Variants in REEP1 observed in about 807,000 individuals in gnomAD.
REEP1 encodes receptor expression-enhancing protein 1.
In REEP1, 22 loss-of-function variants were observed where a neutral mutation model predicts 40.3. The ratio of observed to expected loss-of-function variants is 0.55; its 90% CI spans 0.39 to 0.78. REEP1 has a LOEUF of 0.78. REEP1 is among the 30% of genes least tolerant of loss of function. The pLI is 0.00. For synonymous variants in REEP1, 116 were observed against 139.2 expected, an observed-to-expected ratio of 0.83 and a Z score of 1.17; for missense variants, 280 against 361.1, an observed-to-expected ratio of 0.78 and a Z score of 1.82.
chr2:86,295,866 A>G (rs1001136178), intron 1 of REEP1, among the ~76,000 whole-genome samples: 2 of 152,228 alleles, frequency 1.3e-5, no homozygotes, highest in Admixed American at 6.5e-5. Flanking sequence ...GAAAATAAAG[A>G]TATTTCTCTC....
At chr2:86,329,132 C>T (rs924928701) in intron 1 of REEP1, among the ~76,000 whole-genome samples, 5 of 152,136 alleles carry the variant, frequency 3.3e-5, no homozygotes, top group Non-Finnish European at 7.3e-5. Flanking sequence ...CCCTGGAGTG[C>T]GGCCATCCCT....
At chr2:86,324,602 A>G (rs1680417936) in intron 1 of REEP1, among the ~76,000 whole-genome samples, 1 of 152,212 alleles carries the variant, frequency 6.6e-6, no homozygotes, top group Admixed American at 6.5e-5. Flanking sequence ...CAAGCCGGAC[A>G]TCAAGAATTT....
intron 1 of REEP1, among the ~76,000 whole-genome samples, chr2:86,299,688 T>C (rs1679171297): frequency 6.6e-6 from 1 of 152,126 alleles, no homozygotes; most frequent in Non-Finnish European, 1.5e-5. Context: ...CCATCTAGAG[T>C]AGCAATTAAT....
At chr2:86,286,769 C>T (rs1318946193) in intron 1 of REEP1, among the ~76,000 whole-genome samples, 14 of 152,138 alleles carry the variant, frequency 9.2e-5, no homozygotes, top group East Asian at 1.9e-4. Flanking sequence ...CTGTTGCTGA[C>T]CGTAGCCAAG....
chr2:86,280,989 A>T (rs771747188), intron 2 of REEP1, among the ~76,000 whole-genome samples: 14 of 152,228 alleles, frequency 9.2e-5, no homozygotes, highest in Non-Finnish European at 1.2e-4. Flanking sequence ...TGTTCAGATG[A>T]GGACACTTAG....
chr2:86,258,707 G>C (rs1020716102), intron 3 of REEP1, among the ~76,000 whole-genome samples: 1 of 152,144 alleles, frequency 6.6e-6, no homozygotes, highest in African/African-American at 2.4e-5. Flanking sequence ...AGCCTACCTC[G>C]AGAGACAGAG....
chr2:86,266,608 A>G (rs1677149988), intron 2 of REEP1, among the ~76,000 whole-genome samples: 1 of 151,880 alleles, frequency 6.6e-6, no homozygotes, highest in African/African-American at 2.4e-5. Flanking sequence ...CCTGGGCGAC[A>G]GAGCGAGACT....
At chr2:86,293,734 A>T (rs1371897857) in intron 1 of REEP1, among the ~76,000 whole-genome samples, 1 of 152,222 alleles carries the variant, frequency 6.6e-6, no homozygotes, top group African/African-American at 2.4e-5. Context: ...CACCATGTGA[A>T]CAAACACTGC....
chr2:86,276,229 G>A (rs1172136782), intron 2 of REEP1, among the ~76,000 whole-genome samples: 1 of 152,200 alleles, frequency 6.6e-6, no homozygotes, highest in Non-Finnish European at 1.5e-5. Context: ...AGCATCTCCA[G>A]GCTGATACCA....
At chr2:86,267,703 G>A (rs1677221923) in intron 2 of REEP1, among the ~76,000 whole-genome samples, 1 of 151,946 alleles carries the variant, frequency 6.6e-6, no homozygotes, top group Admixed American at 6.6e-5. Context: ...AGACAAATTA[G>A]ACTTCATCAA....
At chr2:86,267,504 C>T (rs1293035911) in intron 2 of REEP1, among the ~76,000 whole-genome samples, 1 of 152,106 alleles carries the variant, frequency 6.6e-6, no homozygotes, top group East Asian at 1.9e-4. Context: ...CAGACTAATA[C>T]ACACTGTCTC....
chr2:86,235,858 C>G (rs1004905615), intron 5 of REEP1, among the ~76,000 whole-genome samples: 1 of 152,156 alleles, frequency 6.6e-6, no homozygotes, highest in Non-Finnish European at 1.5e-5. Context: ...ATTATAGTGG[C>G]ATAGATACAA....
At chr2:86,289,704 G>A (rs879339871) in intron 1 of REEP1, among the ~76,000 whole-genome samples, 4 of 152,056 alleles carry the variant, frequency 2.6e-5, no homozygotes, top group Non-Finnish European at 4.4e-5. Flanking sequence ...CTTCTTTAAT[G>A]TCTTTTTATT....
At chr2:86,301,424 T>C (rs1679252539) in intron 1 of REEP1, among the ~76,000 whole-genome samples, 1 of 152,238 alleles carries the variant, frequency 6.6e-6, no homozygotes, top group South Asian at 2.1e-4. Context: ...ACGTATTAGC[T>C]TTATGACTTT....
At chr2:86,292,152 G>A (rs1458306211) in intron 1 of REEP1, among the ~76,000 whole-genome samples, 1 of 152,166 alleles carries the variant, frequency 6.6e-6, no homozygotes, top group Non-Finnish European at 1.5e-5. Context: ...TGGCAAGCAT[G>A]CTTCTTAACT....
intron 2 of REEP1, among the ~76,000 whole-genome samples, chr2:86,272,049 C>G (rs531351480): frequency 1.3e-5 from 2 of 152,218 alleles, no homozygotes; most frequent in South Asian, 2.1e-4. Flanking sequence ...ATGGTGAAAC[C>G]CCGTCTCTGC....
At chr2:86,267,556 C>A (rs1428115803) in intron 2 of REEP1, among the ~76,000 whole-genome samples, 1 of 151,638 alleles carries the variant, frequency 6.6e-6, no homozygotes, top group Admixed American at 6.6e-5. Context: ...GTGTCACACA[C>A]CTGTAGTCCT....
At chr2:86,328,547 C>T (rs1305740126) in intron 1 of REEP1, among the ~76,000 whole-genome samples, 7 of 152,284 alleles carry the variant, frequency 4.6e-5, no homozygotes, top group South Asian at 4.1e-4. Context: ...GGCGTGGTGG[C>T]GGGCACCTGT....
At chr2:86,327,670 C>A (rs1286135933) in intron 1 of REEP1, among the ~76,000 whole-genome samples, 3 of 151,764 alleles carry the variant, frequency 2.0e-5, no homozygotes, top group Non-Finnish European at 4.4e-5. Context: ...CAGGTTCACG[C>A]CATTCTCCTG....
Sources: allele counts gnomAD v4.1 joint callset (sites outside exome capture counted in the v4.1 genomes callset), GRCh38; gene constraint gnomAD v4.1.1; transcripts MANE v1.5; gene names NCBI Gene and HGNC (gene_info 2026-07-23, HGNC 2026-07-21).